Variants in ZFHX3 observed in about 807,000 individuals in gnomAD.
ZFHX3 encodes the protein zinc finger homeobox 3.
ZFHX3 carries 42 observed loss-of-function variants against 279.1 expected under a neutral mutation model. The observed-to-expected ratio is 0.15, with a 90% CI of 0.12 to 0.19. The LOEUF (loss-of-function observed/expected upper bound fraction) is 0.19. Ranked by LOEUF, ZFHX3 falls within the 10% of genes least tolerant of loss-of-function variation. The probability of loss-of-function intolerance (pLI) is 1.00; values close to 1 mark genes in which losing one functional copy is unlikely to be tolerated. For missense variants in ZFHX3, 4,981 were observed against 4,754.0 expected (o/e 1.05, Z -1.40); for synonymous variants, 2,293 against 1,957.8 (o/e 1.17, Z -4.52).
At chr16:73,723,667 T>TA (rs997831788) in intron 1 of ZFHX3, among the ~76,000 whole-genome samples, 38 of 152,302 alleles carry the variant, frequency 2.5e-4, no homozygotes, top group African/African-American at 9.1e-4. Flanking sequence ...TTTTGTAATT[T>TA]AAAAAAATAT....
intron 1 of ZFHX3, among the ~76,000 whole-genome samples, chr16:73,837,346 T>G (rs1057364007): frequency 7.2e-5 from 11 of 152,260 alleles, no homozygotes; most frequent in Admixed American, 6.5e-5. Flanking sequence ...TTCATCAAAA[T>G]GTGATTACTG....
At chr16:73,686,933 A>G (rs1337514322) in intron 1 of ZFHX3, among the ~76,000 whole-genome samples, 3 of 147,928 alleles carry the variant, frequency 2.0e-5, no homozygotes, top group Non-Finnish European at 4.5e-5. Context: ...CCTTTTTTGT[A>G]CACCTTCCAG....
chr16:73,438,708 T>C (rs2018037517), intron 3 of ZFHX3, among the ~76,000 whole-genome samples: 2 of 152,336 alleles, frequency 1.3e-5, no homozygotes, highest in South Asian at 4.1e-4. Context: ...TTACTAAATT[T>C]GTGTTAAATT....
rs1471745083 is a variant in ZFHX3, at chr16:72,884,691, C to CA, written c.3448+5039dup. Among the ~76,000 whole-genome samples the CA allele has an allele frequency of 2.6e-5, 4 of 152,154 alleles. No homozygotes were observed. The East Asian group carries it at 5.8e-4, about 22-fold the overall frequency. ...ACAAAGGGCCTGTGTTCTCAAAGCC[C>CA]AGGGCACTTGATAGAATGAAGTTAA... is the stretch of plus-strand genomic sequence containing the variant. On this transcript the variant is annotated intron_variant, in intron 4 of 9. Coordinates refer to ENST00000268489, the MANE Select transcript of ZFHX3 (RefSeq NM_006885.4).
intron 1 of ZFHX3, among the ~76,000 whole-genome samples, chr16:73,858,220 G>T (rs1177616434): frequency 1.3e-5 from 2 of 152,076 alleles, no homozygotes; most frequent in Non-Finnish European, 2.9e-5. Flanking sequence ...TACAAGAAAA[G>T]CTCAGTAGGT....
intron 8 of ZFHX3, among the ~76,000 whole-genome samples, chr16:73,091,867 C>G (rs1465225125): frequency 6.6e-6 from 1 of 152,210 alleles, no homozygotes; most frequent in African/African-American, 2.4e-5. Flanking sequence ...GTCTCTTCTA[C>G]TTTCCCCTCA....
intron 5 of ZFHX3, among the ~76,000 whole-genome samples, chr16:73,189,087 C>T (rs1567413881): frequency 6.6e-6 from 1 of 152,168 alleles, no homozygotes; most frequent in Non-Finnish European, 1.5e-5. Context: ...TGGTCTCGAT[C>T]TCTTGACCTT....
intron 5 of ZFHX3, among the ~76,000 whole-genome samples, chr16:73,144,759 T>A (rs868125085): frequency 1.3e-5 from 2 of 152,030 alleles, no homozygotes; most frequent in Non-Finnish European, 1.5e-5. Flanking sequence ...GGAATCCACA[T>A]CTTCCCCTAA....
chr16:72,999,509 G>T (rs1567625698), intron 1 of ZFHX3, among the ~76,000 whole-genome samples: 1 of 152,160 alleles, frequency 6.6e-6, no homozygotes, highest in Non-Finnish European at 1.5e-5. Flanking sequence ...ACAGGCTTGG[G>T]AATCACTATA....
At chr16:73,596,828 G>C (rs1359860578) in intron 2 of ZFHX3, among the ~76,000 whole-genome samples, 1 of 152,112 alleles carries the variant, frequency 6.6e-6, no homozygotes, top group Non-Finnish European at 1.5e-5. Flanking sequence ...ATAGTCCTTA[G>C]TGTCTAGCAG....
chr16:72,838,559 A>C (rs1309598064), intron 4 of ZFHX3, among the ~76,000 whole-genome samples: 1 of 152,144 alleles, frequency 6.6e-6, no homozygotes, highest in Non-Finnish European at 1.5e-5. Context: ...TCCTGTGGGA[A>C]CAGCACAGAA....
In ZFHX3 at chr16:73,863,565, T is replaced by G. The variant is rs150296184; in HGVS notation, c.-1608+28086A>C. ...CCGAAAGGCAATAAAAGACATACGG[T>G]GATGGTGACCATCTGCTTAAGTTCT... On this transcript the variant is annotated intron_variant, in intron 1 of 17. Coordinates refer to the ZFHX3 transcript ENST00000641206. Among the ~76,000 whole-genome samples, 201 of 152,280 alleles carry G rather than the reference T, an allele frequency of 1.3e-3. 1 individual carries two copies. The highest frequency in any genetic ancestry group is 4.6e-3 in the African/African-American group (192 of 41,562).
At chr16:72,908,621 A>G (rs2039245271) in intron 3 of ZFHX3, among the ~76,000 whole-genome samples, 1 of 152,202 alleles carries the variant, frequency 6.6e-6, no homozygotes, top group African/African-American at 2.4e-5. Flanking sequence ...TCTGGGTGTC[A>G]GTCCCGCTGG....
At chr16:72,895,507 C>T (rs2038877372) in intron 3 of ZFHX3, among the ~76,000 whole-genome samples, 1 of 152,226 alleles carries the variant, frequency 6.6e-6, no homozygotes, top group South Asian at 2.1e-4. Flanking sequence ...ATCACTCCCA[C>T]TCCAACTCAC....
In ZFHX3 at chr16:73,485,968, C is replaced by T. The variant is rs144309208; in HGVS notation, c.-1546-29710G>A. On this transcript the variant is annotated intron_variant, in intron 2 of 17. Coordinates refer to the ZFHX3 transcript ENST00000641206. ...CTGTGAGCAACAGGAGAGCAGGGAC[C>T]ACCTCTCTTGTTCATCAATGTGTCC... Among the ~76,000 whole-genome samples, 15 of 152,328 alleles carry T rather than the reference C, an allele frequency of 9.8e-5. No homozygotes were observed. In the East Asian group the frequency reaches 2.3e-3, roughly 23 times the overall value.
intron 1 of ZFHX3, among the ~76,000 whole-genome samples, chr16:73,713,875 A>G (rs553290056): frequency 6.6e-6 from 1 of 152,294 alleles, no homozygotes; most frequent in African/African-American, 2.4e-5. Flanking sequence ...ATTTGGTAGA[A>G]CAAACTGCTT....
In ZFHX3 at chr16:73,886,301, A is replaced by AG. The variant is rs1443356781; in HGVS notation, c.-1608+5349dup. The stretch of plus-strand genomic sequence containing the variant: ...TGGATTAATATTATCAAATTTTAAG[A>AG]GGGAAAAAAAAACACCATTCCCATT... On this transcript the variant is annotated intron_variant, in intron 1 of 17. Transcript: ENST00000641206. 6.3e-4 allele frequency among the ~76,000 whole-genome samples: 96 copies of AG among 152,246 alleles called. 1 individual carries two copies. The highest frequency in any genetic ancestry group is 1.8e-3 in the African/African-American group (76 of 41,552).
rs60003447 is a variant in ZFHX3, at chr16:73,854,727, CAAAAAA to C, written c.-1608+36918_-1608+36923del. 1.0e-4 allele frequency among the ~76,000 whole-genome samples: 6 copies of C among 59,520 alleles called. No homozygotes were observed. The East Asian group carries it at 2.2e-3, about 22-fold the overall frequency. The allele number at this position is 59,520 out of a possible 152,430, so 39.0% of individuals were successfully genotyped here. ...AAAGAAACTTATCTCCCACCTTCCACAAAAAAAAAAAAAAAAAAAAAAAAGATGAAA... is the reference window on the plus strand; with the variant it reads ...AAAGAAACTTATCTCCCACCTTCCACAAAAAAAAAAAAAAAAAAGATGAAA... On this transcript the variant is annotated intron_variant, in intron 1 of 17. Transcript: ENST00000641206.
chr16:73,645,997 T>G (rs1218045745), intron 2 of ZFHX3, among the ~76,000 whole-genome samples: 1 of 152,208 alleles, frequency 6.6e-6, no homozygotes, highest in African/African-American at 2.4e-5. Context: ...CATGCTTTGC[T>G]GATGACAGTC....
Sources: gnomAD v4.1 joint callset for allele counts (sites outside exome capture counted in the v4.1 genomes callset) on GRCh38, gnomAD v4.1.1 for gene constraint, MANE v1.5 for transcripts, NCBI Gene and HGNC (gene_info 2026-07-23, HGNC 2026-07-21) for gene names.